SELENOT: variants seen among roughly 807,000 people sequenced by gnomAD.
The protein encoded by SELENOT is thioredoxin reductase-like selenoprotein T.
SELENOT carries 9 observed loss-of-function variants against 24.3 expected under a neutral mutation model. The observed-to-expected ratio is 0.37, with a 90% CI of 0.22 to 0.65. The LOEUF (loss-of-function observed/expected upper bound fraction) is 0.65. SELENOT is among the 30% of genes least tolerant of loss of function. The pLI is 0.60. For synonymous variants in SELENOT, 81 were observed against 86.0 expected (o/e 0.94, Z 0.32); for missense variants, 166 against 247.6 (o/e 0.67, Z 2.21).
At chr3:150,606,001 T>C (rs918867821) in intron 1 of SELENOT, among the ~76,000 whole-genome samples, 1 of 152,186 alleles carries the variant, frequency 6.6e-6, no homozygotes. Context: ...TTATCAAAAA[T>C]AACTATACCT....
At chr3:150,614,019 T>C (rs764160905) in intron 1 of SELENOT, among the ~76,000 whole-genome samples, 5 of 152,184 alleles carry the variant, frequency 3.3e-5, no homozygotes, top group Non-Finnish European at 7.3e-5. Context: ...ATTTTTTTTT[T>C]TAATCCAAGG....
At chr3:150,603,533 C>G in intron 1 of SELENOT, 34 bp downstream of exon 1, 3 of 1,550,184 alleles carry the variant, frequency 1.9e-6, no homozygotes, top group Non-Finnish European at 2.6e-6. Flanking sequence ...GCCACCCCGC[C>G]GCGCCTCTGC....
chr3:150,605,316 T>TAAAA (rs1404892347), intron 1 of SELENOT, among the ~76,000 whole-genome samples: 1 of 152,218 alleles, frequency 6.6e-6, no homozygotes, highest in Admixed American at 6.5e-5. Context: ...ATACCCCTTT[T>TAAAA]ACGTTTGCTT....
At chr3:150,615,328 G>C (rs1328636016) in intron 1 of SELENOT, among the ~76,000 whole-genome samples, 4 of 151,316 alleles carry the variant, frequency 2.6e-5, no homozygotes, top group Non-Finnish European at 4.4e-5. Flanking sequence ...ATAAACATAC[G>C]TGTGCATGTG....
In SELENOT at chr3:150,624,917, T is replaced by G; in HGVS notation, c.463+18T>G. ...TTTAAATGGTAGGTTCTGAATAGTTTGCATTTTGTGATTGATTTTAAATGA... is the reference window on the plus strand; with the variant it reads ...TTTAAATGGTAGGTTCTGAATAGTTGGCATTTTGTGATTGATTTTAAATGA... On this transcript the variant is annotated intron_variant, in intron 4 of 5. Coordinates refer to ENST00000471696, the MANE Select transcript of SELENOT (RefSeq NM_016275.5). 7.2e-7 allele frequency: 1 copy of G among 1,388,774 alleles called. No homozygotes were observed. Among genetic ancestry groups the G allele is most frequent in the East Asian group, 2.6e-5 (1 of 38,774 alleles). The allele number at this position is 1,388,774 out of a possible 1,614,324, so 86.0% of individuals were successfully genotyped here. A position where few individuals can be genotyped will look rare whatever the true frequency, so the allele number is the denominator to read the frequency against.
intron 4 of SELENOT, among the ~76,000 whole-genome samples, chr3:150,626,540 T>A (rs1726449107): frequency 6.6e-6 from 1 of 152,132 alleles, no homozygotes; most frequent in African/African-American, 2.4e-5. Context: ...CACCTTCCCA[T>A]CCTCCCTTAT....
At chr3:150,627,240 A>G (rs1478770443) in intron 5 of SELENOT, 77 bp downstream of exon 5, 5 of 1,090,286 alleles carry the variant, frequency 4.6e-6, no homozygotes, top group Admixed American at 2.6e-5. Context: ...AATATTACAT[A>G]TATTATCACT....
intron 3 of SELENOT, among the ~76,000 whole-genome samples, chr3:150,624,288 T>G (rs1403002295): frequency 1.3e-5 from 2 of 152,180 alleles, no homozygotes; most frequent in Non-Finnish European, 2.9e-5. Context: ...CATCCTACTT[T>G]TAGTCCTGTG....
At chr3:150,616,636 C>T in intron 1 of SELENOT, among the ~76,000 whole-genome samples, 1 of 152,192 alleles carries the variant, frequency 6.6e-6, no homozygotes, top group Non-Finnish European at 1.5e-5. Context: ...AAATGCAAAT[C>T]AAAACCACAA....
At chr3:150,605,715 T>C (rs923189583) in intron 1 of SELENOT, among the ~76,000 whole-genome samples, 1 of 152,194 alleles carries the variant, frequency 6.6e-6, no homozygotes, top group Non-Finnish European at 1.5e-5. Context: ...AGCTTGTTGT[T>C]TGTTGCTTTT....
chr3:150,604,759 G>A (rs1725921405), intron 1 of SELENOT, among the ~76,000 whole-genome samples: 1 of 152,100 alleles, frequency 6.6e-6, no homozygotes, highest in African/African-American at 2.4e-5. Context: ...AAACAAGGCC[G>A]GGCTCGCTGG....
intron 1 of SELENOT, among the ~76,000 whole-genome samples, chr3:150,607,855 T>TAACAAA (rs1726001012): frequency 6.6e-6 from 1 of 152,150 alleles, no homozygotes; most frequent in African/African-American, 2.4e-5. Flanking sequence ...AGGCCATGCT[T>TAACAAA]AACAAAGACC....
chr3:150,620,485 T>C (rs1336366682), intron 1 of SELENOT, among the ~76,000 whole-genome samples: 4 of 152,238 alleles, frequency 2.6e-5, no homozygotes, highest in Admixed American at 6.5e-5. Context: ...GGACCGTATC[T>C]GTGTTACTCA....
chr3:150,622,966 A>G, intron 2 of SELENOT, 77 bp from the exon 3 acceptor site: 1 of 1,302,724 alleles, frequency 7.7e-7, no homozygotes, highest in Non-Finnish European at 1.0e-6. Flanking sequence ...AAATCTTTAC[A>G]TACACTTGAA....
At chr3:150,625,860 TA>T (rs1471134688) in intron 4 of SELENOT, among the ~76,000 whole-genome samples, 1 of 149,496 alleles carries the variant, frequency 6.7e-6, no homozygotes, top group Non-Finnish European at 1.5e-5. Context: ...ATATCTGTTC[TA>T]AACAATAACT....
At chr3:150,625,932 C>T (rs1340620579) in intron 4 of SELENOT, among the ~76,000 whole-genome samples, 4 of 150,648 alleles carry the variant, frequency 2.7e-5, no homozygotes, top group Admixed American at 6.6e-5. Context: ...TGCCGTGGCG[C>T]GATCTCGATT....
Position 150,629,989 on chromosome 3 carries a change from G to A in SELENOT, c.*2360G>A, listed in dbSNP as rs1481899657. ...TAATGCTATGGGGGTTTTTACCACAGTTGCCATTGTGGAAGAAATTATTTG... is the reference window on the plus strand; with the variant it reads ...TAATGCTATGGGGGTTTTTACCACAATTGCCATTGTGGAAGAAATTATTTG... On this transcript the variant is annotated 3_prime_UTR_variant, in exon 6 of 6. Coordinates refer to ENST00000471696, the MANE Select transcript of SELENOT (RefSeq NM_016275.5). 1 of 152,596 alleles carries A rather than the reference G, an allele frequency of 6.6e-6. No homozygotes were observed. Among genetic ancestry groups the A allele is most frequent in the Non-Finnish European group, 1.5e-5 (1 of 68,034 alleles). 9.5% of individuals were successfully genotyped at this position (152,596 alleles called of 1,614,324 possible). A position where few individuals can be genotyped will look rare whatever the true frequency, so the allele number is the denominator to read the frequency against.
At chr3:150,618,238 C>T (rs1424748512) in intron 1 of SELENOT, among the ~76,000 whole-genome samples, 9 of 152,298 alleles carry the variant, frequency 5.9e-5, no homozygotes, top group African/African-American at 1.9e-4. Context: ...TCTGGAACAT[C>T]AGCTATGACA....
Position 150,623,276 on chromosome 3 carries a change from T to G in SELENOT, c.375+107T>G. 10 of 1,056,638 alleles carry G rather than the reference T, an allele frequency of 9.5e-6. No homozygotes were observed. In the South Asian group the frequency reaches 2.7e-4, roughly 29 times the overall value. The allele number at this position is 1,056,638 out of a possible 1,614,324, so 65.5% of individuals were successfully genotyped here. Reference sequence around the variant, plus strand: ...CTTGTTATTGATTCACCTGTTAACATGTATTATTTTAATTTATACCAGTTT... The same window carrying G: ...CTTGTTATTGATTCACCTGTTAACAGGTATTATTTTAATTTATACCAGTTT... On this transcript the variant is annotated intron_variant, in intron 3 of 5. Transcript: ENST00000471696.
Sources: gnomAD v4.1 joint callset for allele counts (sites outside exome capture counted in the v4.1 genomes callset) on GRCh38, gnomAD v4.1.1 for gene constraint, MANE v1.5 for transcripts, NCBI Gene and HGNC (gene_info 2026-07-23, HGNC 2026-07-21) for gene names.